Variants in SLCO2B1 observed in about 807,000 individuals in gnomAD.
SLCO2B1 encodes the protein OATP-RP2.
A neutral mutation model predicts 67.3 loss-of-function variants in SLCO2B1; 41 were observed. The ratio of observed to expected loss-of-function variants is 0.61; its 90% CI spans 0.47 to 0.79. SLCO2B1 has a LOEUF of 0.79. Ranked by LOEUF, SLCO2B1 falls within the 30% of genes least tolerant of loss-of-function variation. The pLI, the probability that SLCO2B1 is intolerant of heterozygous loss-of-function variation, is 0.00. For synonymous variants in SLCO2B1, 379 were observed against 381.4 expected (o/e 0.99, Z 0.07); for missense variants, 837 against 920.1 (o/e 0.91, Z 1.17).
rs201849801 is a variant in SLCO2B1, at chr11:75,169,280, C to T, written c.556C>T (p.Leu186=). The part of the protein sequence containing the change: ...NCSSYTETQH[L]SVVGIMFVAQ... ...CTCAAGCTACACAGAAACCCAGCATCTGAGTGTGGTGGGGATCATGTTCGT... is the reference window on the plus strand; with the variant it reads ...CTCAAGCTACACAGAAACCCAGCATTTGAGTGTGGTGGGGATCATGTTCGT... Residue 186 remains leucine (L), a synonymous_variant, in exon 5 of 14, where the codon CTG becomes TTG. Transcript: ENST00000289575. The T allele has an allele frequency of 5.5e-5, 89 of 1,614,096 alleles. No individual in the cohort carries two copies. Among genetic ancestry groups the T allele is most frequent in the Middle Eastern group, 4.9e-4 (3 of 6,084 alleles).
At chr11:75,188,073 A>G (rs894560892) in intron 7 of SLCO2B1, 63 bp from the exon 8 acceptor site, 12 of 1,182,534 alleles carry the variant, frequency 1.0e-5, no homozygotes, top group Admixed American at 1.9e-5. Context: ...CCCAGCCCAC[A>G]GCCAACTCTG....
rs754721606 is a variant in SLCO2B1 at position 75,172,415 on chromosome 11, T to C, written c.818T>C (p.Val273Ala). ...CTGACCATAAAGGACCCCCGATGGG[T>C]GGGTGCCTGGTGGCTGGGTTTCCTC... is the stretch of plus-strand genomic sequence containing the variant. The part of the protein sequence containing the change: ...ISLTIKDPRW[V>A]GAWWLGFLIA... The change falls in exon 7 of 14, where the codon GTG becomes GCG. Residue 273 changes from valine (V) to alanine (A), a missense_variant. Physicochemically the swap from Val to Ala is moderately conservative, Grantham distance 64. Coordinates refer to ENST00000289575, the MANE Select transcript of SLCO2B1 (RefSeq NM_007256.5). 5.0e-6 allele frequency: 8 copies of C among 1,614,070 alleles called. No homozygotes were observed. Among genetic ancestry groups the C allele is most frequent in the Non-Finnish European group, 6.8e-6 (8 of 1,179,954 alleles).
intron 1 of SLCO2B1, chr11:75,159,727 C>A: frequency 4.8e-6 from 2 of 417,442 alleles, no homozygotes; most frequent in South Asian, 1.0e-4. Context: ...AGGAATGTGG[C>A]CAGTGCTTCC....
At chr11:75,151,455 C>T in intron 1 of SLCO2B1, 58 bp downstream of exon 1, 1 of 1,594,574 alleles carries the variant, frequency 6.3e-7, no homozygotes, top group East Asian at 2.2e-5. Flanking sequence ...GACATGTTCC[C>T]AGAGAAAAGG....
chr11:75,164,443 A>C (rs1949862315), intron 3 of SLCO2B1, among the ~76,000 whole-genome samples: 1 of 152,132 alleles, frequency 6.6e-6, no homozygotes, highest in Admixed American at 6.5e-5. Context: ...CCACTTCAAC[A>C]GTAGTGAGAG....
intron 7 of SLCO2B1, among the ~76,000 whole-genome samples, chr11:75,187,289 C>T (rs779837097): frequency 3.3e-5 from 5 of 152,234 alleles, no homozygotes; most frequent in African/African-American, 4.8e-5. Context: ...TCCCTCCACA[C>T]ACATGATATT....
chr11:75,161,807 C>T (rs1291155827), intron 1 of SLCO2B1, among the ~76,000 whole-genome samples: 1 of 152,104 alleles, frequency 6.6e-6, no homozygotes, highest in Non-Finnish European at 1.5e-5. Flanking sequence ...TTCTGGGCTC[C>T]CCACTGAGAG....
intron 7 of SLCO2B1, among the ~76,000 whole-genome samples, chr11:75,182,572 G>A (rs908869247): frequency 5.3e-5 from 8 of 152,046 alleles, no homozygotes; most frequent in East Asian, 3.9e-4. Flanking sequence ...GTGAAACCCA[G>A]TCTCTACTAA....
chr11:75,202,872 C>G (rs775583956), intron 11 of SLCO2B1, 29 bp from the exon 12 acceptor site: 1 of 1,609,452 alleles, frequency 6.2e-7, no homozygotes, highest in Non-Finnish European at 8.5e-7. Context: ...CCCCTCCAAC[C>G]TCATGTTGCC....
chr11:75,197,718 T>C (rs969833704), intron 10 of SLCO2B1, among the ~76,000 whole-genome samples: 5 of 152,128 alleles, frequency 3.3e-5, no homozygotes, highest in African/African-American at 9.7e-5. Flanking sequence ...ATTCAGTCAG[T>C]CAGTCAGTCA....
At chr11:75,168,342 G>GC (rs974277894) in intron 4 of SLCO2B1, among the ~76,000 whole-genome samples, 2 of 152,162 alleles carry the variant, frequency 1.3e-5, no homozygotes, top group African/African-American at 4.8e-5. Context: ...GCTCTTTGCA[G>GC]CCCAAGGGAG....
chr11:75,160,459 G>A (rs1284950549), intron 1 of SLCO2B1, among the ~76,000 whole-genome samples: 1 of 152,204 alleles, frequency 6.6e-6, no homozygotes, highest in Non-Finnish European at 1.5e-5. Flanking sequence ...TGCACAGAAA[G>A]CCTGTGGCAT....
chr11:75,205,694 C>T lies in SLCO2B1; in HGVS notation c.*1114C>T, dbSNP rs1451818712. The T allele has an allele frequency of 6.6e-6, 1 of 152,342 alleles. No individual in the cohort carries two copies. The highest frequency in any genetic ancestry group is 1.5e-5 in the Non-Finnish European group (1 of 68,052). 9.4% of individuals were successfully genotyped at this position (152,342 alleles called of 1,614,324 possible). ...GTGCTGGGAGCAGTAAAGCTCAGCT[C>T]TGTGTAATGAGTGATGCTATGGCTT... On this transcript the variant is annotated 3_prime_UTR_variant, in exon 14 of 14. Coordinates refer to ENST00000289575, the MANE Select transcript of SLCO2B1 (RefSeq NM_007256.5).
chr11:75,169,886 C>A, intron 6 of SLCO2B1, 122 bp downstream of exon 6: 1 of 714,080 alleles, frequency 1.4e-6, no homozygotes, highest in East Asian at 2.6e-5. Flanking sequence ...GGGCAAGTCT[C>A]TTAGCCTCTC....
chr11:75,194,215 C>T (rs1565548701), intron 9 of SLCO2B1, among the ~76,000 whole-genome samples: 1 of 152,198 alleles, frequency 6.6e-6, no homozygotes, highest in Non-Finnish European at 1.5e-5. Context: ...GAGGAAGTCT[C>T]TTGATTTCTA....
intron 1 of SLCO2B1, among the ~76,000 whole-genome samples, chr11:75,154,660 G>C (rs968724318): frequency 3.3e-5 from 5 of 152,188 alleles, no homozygotes; most frequent in African/African-American, 1.2e-4. Flanking sequence ...CCTCTTTCTG[G>C]ACAAATCTGT....
chr11:75,196,635 G>A lies in SLCO2B1; in HGVS notation c.1555G>A (p.Gly519Ser). 6.2e-7 allele frequency: 1 copy of A among 1,613,996 alleles called. No individual in the cohort carries two copies. The highest frequency in any genetic ancestry group is 8.5e-7 in the Non-Finnish European group (1 of 1,180,018). ...GGAATACATCACACCCTGCCACGCA[G>A]GCTGCTCAAGCTGGGTGGTCCAGGA... ...RVEYITPCHA[G>S]CSSWVVQDAL... The change falls in exon 10 of 14, where the codon GGC becomes AGC. Residue 519 changes from glycine (G) to serine (S), a missense_variant. By Grantham distance (56) the Gly-to-Ser change is moderately conservative. Transcript: ENST00000289575.
intron 1 of SLCO2B1, among the ~76,000 whole-genome samples, chr11:75,153,444 T>A (rs1949713882): frequency 6.6e-6 from 1 of 152,162 alleles, no homozygotes; most frequent in Non-Finnish European, 1.5e-5. Context: ...CCCTTTTCAA[T>A]AGGTGAGAAA....
intron 4 of SLCO2B1, among the ~76,000 whole-genome samples, chr11:75,168,873 C>A (rs1408501331): frequency 6.6e-6 from 1 of 152,208 alleles, no homozygotes; most frequent in Non-Finnish European, 1.5e-5. Context: ...CAGGGGCCAC[C>A]GTTGCTATGG....
Sources: gnomAD v4.1 joint callset for allele counts (sites outside exome capture counted in the v4.1 genomes callset) on GRCh38, gnomAD v4.1.1 for gene constraint, MANE v1.5 for transcripts, NCBI Gene and HGNC (gene_info 2026-07-23, HGNC 2026-07-21) for gene names.